The following GPHN variants were observed in gnomAD, a reference collection of about 807,000 sequenced individuals.
The protein encoded by GPHN is gephyrin.
GPHN carries 17 observed loss-of-function variants against 95.5 expected under a neutral mutation model. The observed-to-expected ratio is 0.18, with a 90% confidence interval of 0.12 to 0.27. The LOEUF (loss-of-function observed/expected upper bound fraction) is 0.27, where lower values mean the gene tolerates loss of function less well. GPHN is among the 10% of genes least tolerant of loss of function. GPHN has a pLI of 1.00. For synonymous variants in GPHN, 320 were observed against 322.5 expected (o/e 0.99, Z 0.08); for missense variants, 660 against 978.1 (o/e 0.67, Z 4.34).
chr14:67,199,561 C>T, the GPHN span: 1 of 1,598,506 alleles, frequency 6.3e-7, no homozygotes, highest in Non-Finnish European at 8.6e-7. Flanking sequence ...GGCAGTACCT[C>T]TGTAACCACC....
At chr14:67,144,249 AAATATATATAT>A (rs1340507795) in intron 18 of GPHN, among the ~76,000 whole-genome samples, 14 of 68,932 alleles carry the variant, frequency 2.0e-4, no homozygotes, top group Admixed American at 4.1e-4. Context: ...AAAAAAAAAA[AAATATATATAT>A]ATATATATAT....
chr14:67,009,109 TTGTG>T lies in GPHN; in HGVS notation c.964-14520_964-14517del, dbSNP rs1326663386. ...TTTCTTGTGCTTCTTTTCCCTTTCC[TTGTG>T]TGTTTGTTTTTTTCATTAGAAATCA... is the stretch of plus-strand genomic sequence containing the variant. On this transcript the variant is annotated intron_variant, in intron 9 of 22. Transcript: ENST00000478722. Among the ~76,000 whole-genome samples the T allele has an allele frequency of 3.9e-5, 6 of 152,344 alleles. No homozygotes were observed. The East Asian group carries it at 1.2e-3, about 29-fold the overall frequency.
chr14:66,746,163 G>A (rs995634884), intron 2 of GPHN, among the ~76,000 whole-genome samples: 1 of 152,100 alleles, frequency 6.6e-6, no homozygotes, highest in Non-Finnish European at 1.5e-5. Flanking sequence ...GTTTTGGTAT[G>A]AACATAAGTT....
At chr14:66,587,804 G>C (rs1391963266) in intron 1 of GPHN, among the ~76,000 whole-genome samples, 1 of 152,180 alleles carries the variant, frequency 6.6e-6, no homozygotes, top group Non-Finnish European at 1.5e-5. Context: ...GCGGCTCTGG[G>C]TGCAGCTTCG....
At chr14:67,571,946 C>T in the GPHN span, 1 of 1,565,292 alleles carries the variant, frequency 6.4e-7, no homozygotes, top group Non-Finnish European at 8.7e-7. Context: ...AGCAAGGAGC[C>T]CCTCACCTCT....
At chr14:67,374,387 CTT>C in the GPHN span, 1 of 713,088 alleles carries the variant, frequency 1.4e-6, no homozygotes, top group Non-Finnish European at 2.2e-6. Context: ...CAATCAAACA[CTT>C]AATTTGGTCT....
chr14:66,823,404 C>T (rs1023591338), intron 3 of GPHN: 4 of 152,112 alleles, frequency 2.6e-5, no homozygotes, highest in Non-Finnish European at 5.9e-5. Context: ...GTTTTAACTT[C>T]GGTTTATGAA....
chr14:66,732,585 C>T (rs999264309), intron 2 of GPHN, among the ~76,000 whole-genome samples: 2 of 152,190 alleles, frequency 1.3e-5, no homozygotes, highest in African/African-American at 2.4e-5. Context: ...GGCACAATCT[C>T]GACTCACTGC....
intron 1 of GPHN, among the ~76,000 whole-genome samples, chr14:66,521,220 C>T (rs1053691797): frequency 6.6e-6 from 1 of 151,910 alleles, no homozygotes; most frequent in African/African-American, 2.4e-5. Context: ...GGGTATATAC[C>T]CAGTAATGGA....
At chr14:67,674,485 G>A in the GPHN span, 7 of 1,602,972 alleles carry the variant, frequency 4.4e-6, no homozygotes, top group Non-Finnish European at 6.0e-6. Context: ...GGCGGAGGAG[G>A]CCATGGCGCA....
chr14:67,010,417 T>C (rs1424855358), intron 9 of GPHN, among the ~76,000 whole-genome samples: 1 of 151,488 alleles, frequency 6.6e-6, no homozygotes, highest in East Asian at 2.0e-4. Context: ...CCAGGTGTGG[T>C]GGCGGGCACC....
the GPHN span, among the ~76,000 whole-genome samples, chr14:67,637,813 C>T: frequency 3.9e-5 from 6 of 152,224 alleles, no homozygotes; most frequent in Non-Finnish European, 7.3e-5. Context: ...AAAGTACTCA[C>T]GGTGGCATAC....
chr14:67,620,018 G>T, the GPHN span: 1 of 1,611,560 alleles, frequency 6.2e-7, no homozygotes, highest in Non-Finnish European at 8.5e-7. Flanking sequence ...CTCCAGACGC[G>T]AGTGCATTCC....
the GPHN span, among the ~76,000 whole-genome samples, chr14:67,477,774 A>C: frequency 1.3e-5 from 2 of 152,236 alleles, no homozygotes; most frequent in Non-Finnish European, 2.9e-5. Flanking sequence ...TCTAAAAAAT[A>C]AATAAATAAA....
At chr14:66,797,135 C>T (rs1471606528) in intron 3 of GPHN, among the ~76,000 whole-genome samples, 1 of 140,420 alleles carries the variant, frequency 7.1e-6, no homozygotes, top group East Asian at 2.2e-4. Flanking sequence ...AAAATAAGTT[C>T]ACTGTAGGTA....
intron 11 of GPHN, among the ~76,000 whole-genome samples, chr14:67,061,247 G>C (rs1451475359): frequency 1.3e-5 from 2 of 151,936 alleles, no homozygotes; most frequent in Non-Finnish European, 2.9e-5. Context: ...CTCCATGTTG[G>C]TCAGGCTGGT....
chr14:66,722,072 TAA>T (rs1370379834), intron 2 of GPHN, among the ~76,000 whole-genome samples: 31 of 151,652 alleles, frequency 2.0e-4, no homozygotes, highest in Admixed American at 1.8e-3. Flanking sequence ...TACTTATATA[TAA>T]GTATTGTTTA....
At chr14:67,101,011 G>C in intron 13 of GPHN, 100 bp downstream of exon 13, 1 of 755,900 alleles carries the variant, frequency 1.3e-6, no homozygotes, top group South Asian at 1.4e-5. Flanking sequence ...AAATTAGAGA[G>C]AGATTAGTCA....
intron 2 of GPHN, among the ~76,000 whole-genome samples, chr14:66,703,549 T>C (rs1445436809): frequency 6.6e-6 from 1 of 152,198 alleles, no homozygotes; most frequent in Non-Finnish European, 1.5e-5. Flanking sequence ...AAACTAAACT[T>C]CATAAGCAAA....
Sources: allele counts gnomAD v4.1 joint callset (sites outside exome capture counted in the v4.1 genomes callset), GRCh38; gene constraint gnomAD v4.1.1; transcripts MANE v1.5; gene names NCBI Gene and HGNC (gene_info 2026-07-23, HGNC 2026-07-21).